The following FGF14 variants were observed in gnomAD, a reference collection of about 807,000 sequenced individuals.
FGF14 encodes the protein fibroblast growth factor homologous factor 4.
A neutral mutation model predicts 25.5 loss-of-function variants in FGF14; 5 were observed. The ratio of observed to expected loss-of-function variants is 0.20; its 90% CI spans 0.10 to 0.41. The LOEUF is 0.41. Among genes scored for constraint, FGF14 ranks in the 10% least tolerant of loss-of-function variants. The probability of loss-of-function intolerance (pLI) is 1.00; values close to 1 mark genes in which losing one functional copy is unlikely to be tolerated. For missense variants in FGF14, 222 were observed against 320.1 expected (o/e 0.69, Z 2.34); for synonymous variants, 138 against 118.3 (o/e 1.17, Z -1.08).
At chr13:102,059,377 CAGGCA>C (rs1331509577) in intron 1 of FGF14, among the ~76,000 whole-genome samples, 5 of 152,198 alleles carry the variant, frequency 3.3e-5, no homozygotes, top group Admixed American at 2.6e-4. Context: ...CACCAACCAG[CAGGCA>C]AGGTATGTGT....
Position 101,720,724 on chromosome 13 carries a change from A to G in FGF14, c.*2107T>C, listed in dbSNP as rs1036112806. The G allele has an allele frequency of 2.0e-5, 3 of 150,944 alleles. No homozygotes were observed. Among genetic ancestry groups the G allele is most frequent in the Non-Finnish European group, 4.4e-5 (3 of 68,026 alleles). 9.4% of individuals were successfully genotyped at this position (150,944 alleles called of 1,614,324 possible). On this transcript the variant is annotated 3_prime_UTR_variant, in exon 5 of 5. Transcript: ENST00000376143. ...AATTGGTTAATGGAAGTTATCTAAT[A>G]TATTTTAACTGTTCCTGTTAAAAAC...
chr13:102,067,964 A>G (rs1366899705), intron 1 of FGF14, among the ~76,000 whole-genome samples: 1 of 152,210 alleles, frequency 6.6e-6, no homozygotes, highest in Non-Finnish European at 1.5e-5. Flanking sequence ...GTCTGGCAGC[A>G]GACTTCTCAG....
At chr13:102,049,582 A>G (rs894982060) in intron 1 of FGF14, among the ~76,000 whole-genome samples, 3 of 152,224 alleles carry the variant, frequency 2.0e-5, no homozygotes, top group Non-Finnish European at 4.4e-5. Flanking sequence ...TCATTCATAT[A>G]TTAAGGTTCT....
At chr13:101,811,471 C>A (rs1173250967) in intron 3 of FGF14, among the ~76,000 whole-genome samples, 1 of 152,088 alleles carries the variant, frequency 6.6e-6, no homozygotes, top group Non-Finnish European at 1.5e-5. Flanking sequence ...CTGAATAATA[C>A]CCCATTGTTT....
intron 1 of FGF14, among the ~76,000 whole-genome samples, chr13:102,370,934 A>G (rs1234148150): frequency 4.2e-5 from 6 of 143,486 alleles, no homozygotes; most frequent in African/African-American, 1.5e-4. Context: ...TCTTCCGCAT[A>G]CCAAAAAAAA....
chr13:101,763,768 G>A (rs2038204160), intron 3 of FGF14, among the ~76,000 whole-genome samples: 1 of 152,182 alleles, frequency 6.6e-6, no homozygotes, highest in African/African-American at 2.4e-5. Context: ...GCTGAAGCAG[G>A]AGAATGGCTT....
intron 1 of FGF14, among the ~76,000 whole-genome samples, chr13:102,159,419 G>C (rs2047522119): frequency 6.6e-6 from 1 of 152,164 alleles, no homozygotes; most frequent in African/African-American, 2.4e-5. Flanking sequence ...GAGTACAAAA[G>C]TGGAAGACAG....
chr13:102,031,383 T>C (rs1332618919), intron 1 of FGF14, among the ~76,000 whole-genome samples: 1 of 152,120 alleles, frequency 6.6e-6, no homozygotes, highest in Non-Finnish European at 1.5e-5. Context: ...CTTATGATAT[T>C]TGAAGCTCAA....
chr13:101,918,732 C>T (rs1476555627), upstream of FGF14, among the ~76,000 whole-genome samples: 1 of 152,206 alleles, frequency 6.6e-6, no homozygotes, highest in East Asian at 1.9e-4. Flanking sequence ...CATTTACCAA[C>T]AAGTCTCCTT....
intron 1 of FGF14, among the ~76,000 whole-genome samples, chr13:102,156,400 T>A (rs111878439): frequency 2.0e-4 from 31 of 152,124 alleles, no homozygotes; most frequent in Non-Finnish European, 2.9e-4. Context: ...ACAGAACCAA[T>A]GACAAAAACC....
intron 1 of FGF14, among the ~76,000 whole-genome samples, chr13:102,269,949 C>A (rs573224684): frequency 6.6e-6 from 1 of 152,246 alleles, no homozygotes; most frequent in Non-Finnish European, 1.5e-5. Flanking sequence ...TCTCACCACG[C>A]CCGAGTGGAG....
At chr13:101,820,074 T>C (rs918974741) in intron 3 of FGF14, among the ~76,000 whole-genome samples, 3 of 152,168 alleles carry the variant, frequency 2.0e-5, no homozygotes, top group African/African-American at 7.2e-5. Context: ...ATTACACCGA[T>C]ATAAAGTTAT....
chr13:102,383,893 C>T (rs1172146112), intron 1 of FGF14, among the ~76,000 whole-genome samples: 1 of 152,110 alleles, frequency 6.6e-6, no homozygotes, highest in Non-Finnish European at 1.5e-5. Flanking sequence ...GGGTATCACA[C>T]ATTAAAAATG....
chr13:101,816,382 C>T (rs1173308344), intron 3 of FGF14, among the ~76,000 whole-genome samples: 3 of 151,974 alleles, frequency 2.0e-5, no homozygotes, highest in Non-Finnish European at 2.9e-5. Flanking sequence ...CTCCCTCCCC[C>T]GCCAACATGG....
intron 1 of FGF14, among the ~76,000 whole-genome samples, chr13:102,211,768 A>G (rs1566822277): frequency 1.3e-5 from 2 of 152,222 alleles, no homozygotes; most frequent in Non-Finnish European, 1.5e-5. Flanking sequence ...GCAAAGTTAC[A>G]AACAGCTTTA....
intron 1 of FGF14, among the ~76,000 whole-genome samples, chr13:102,222,813 TACA>T (rs1306954268): frequency 6.6e-6 from 1 of 152,128 alleles, no homozygotes; most frequent in Non-Finnish European, 1.5e-5. Flanking sequence ...CTTCTCGAAA[TACA>T]GCATCAGAAA....
chr13:101,762,068 G>A (rs781334482), intron 3 of FGF14, among the ~76,000 whole-genome samples: 6 of 152,164 alleles, frequency 3.9e-5, no homozygotes, highest in Non-Finnish European at 5.9e-5. Context: ...GTGCTGTGCT[G>A]TGAGTAGCCT....
rs571821279 is a variant in FGF14, at chr13:102,092,394, A to G, written c.209-217098T>C. On this transcript the variant is annotated intron_variant, in intron 1 of 4. Transcript: ENST00000376131. ...TACGGGTGACCAAAACTGTGCCCAC[A>G]TCATGTCTTAGAGTAATGTCATATC... 4.6e-5 allele frequency among the ~76,000 whole-genome samples: 7 copies of G among 152,336 alleles called. No homozygotes were observed. In the East Asian group the frequency reaches 1.3e-3, roughly 29 times the overall value.
intron 3 of FGF14, among the ~76,000 whole-genome samples, chr13:101,746,906 G>A (rs1431486418): frequency 6.6e-6 from 1 of 151,948 alleles, no homozygotes; most frequent in Non-Finnish European, 1.5e-5. Context: ...ACTAGCAATA[G>A]TTACAGCAAG....
Sources: gnomAD v4.1 joint callset for allele counts (sites outside exome capture counted in the v4.1 genomes callset) on GRCh38, gnomAD v4.1.1 for gene constraint, MANE v1.5 for transcripts, NCBI Gene and HGNC (gene_info 2026-07-23, HGNC 2026-07-21) for gene names.